The following SOBP variants were observed in gnomAD, a reference collection of about 807,000 sequenced individuals.
SOBP encodes sine oculis binding protein homolog, also known as sine oculis-binding protein homolog.
In SOBP, 4 loss-of-function variants were observed where a neutral mutation model predicts 53.6. The ratio of observed to expected loss-of-function variants is 0.07; its 90% confidence interval spans 0.04 to 0.17. The LOEUF (loss-of-function observed/expected upper bound fraction) is 0.17, where lower values mean the gene tolerates loss of function less well. Ranked by LOEUF, SOBP falls within the 10% of genes least tolerant of loss-of-function variation. The pLI is 1.00. For synonymous variants in SOBP, 584 were observed against 522.6 expected, an observed-to-expected ratio of 1.12 and a Z score of -1.60; for missense variants, 1,088 against 1,204.7, an observed-to-expected ratio of 0.90 and a Z score of 1.43.
rs200699908 is a variant in SOBP at position 107,616,796 on chromosome 6, C to CG, written c.670-16716dup. On this transcript the variant is annotated intron_variant, in intron 5 of 6. Coordinates refer to ENST00000317357, the MANE Select transcript of SOBP (RefSeq NM_018013.4). The stretch of plus-strand genomic sequence containing the variant: ...CCGAAGCAGCGGACACTCACAGCGA[C>CG]GGTTGGCCCAGTCCTTTGATTTAGA... Among the ~76,000 whole-genome samples, 756 of 152,350 alleles carry CG rather than the reference C, an allele frequency of 5.0e-3. 6 individuals are homozygous for CG. The highest frequency in any genetic ancestry group is 0.018 in the African/African-American group (731 of 41,574).
At chr6:107,631,458 T>C (rs536107474) in intron 5 of SOBP, among the ~76,000 whole-genome samples, 6 of 152,354 alleles carry the variant, frequency 3.9e-5, no homozygotes, top group Non-Finnish European at 8.8e-5. Context: ...ATCAGGTTTA[T>C]AAAACAATAA....
Position 107,634,370 on chromosome 6 carries a change from T to C in SOBP, c.1526T>C (p.Phe509Ser). ...GPMPVPQMMNFGLPSLAPLVP... is the reference protein window; with the variant it reads ...GPMPVPQMMNSGLPSLAPLVP... ...ATGCCGGTGCCCCAGATGATGAATT[T>C]CGGGCTGCCGTCGCTTGCCCCGCTG... is the stretch of plus-strand genomic sequence containing the variant. The change falls in exon 6 of 7, where the codon TTC (phenylalanine) becomes TCC (serine). Residue 509 changes from phenylalanine (F) to serine (S), a missense_variant. Phe to Ser is a radical substitution (Grantham distance 155). This residue lies in a region of SOBP where 665 missense variants were observed against 629.7 expected (regional missense o/e 1.06). Transcript: ENST00000317357. The surrounding 1 kb of genome is among the most constrained non-coding windows in gnomAD (Gnocchi z 4.5). 6.3e-7 allele frequency: 1 copy of C among 1,594,306 alleles called. No homozygotes were observed. The highest frequency in any genetic ancestry group is 8.5e-7 in the Non-Finnish European group (1 of 1,176,998).
At chr6:107,614,081 T>C (rs1411570878) in intron 5 of SOBP, among the ~76,000 whole-genome samples, 1 of 152,190 alleles carries the variant, frequency 6.6e-6, no homozygotes, top group Non-Finnish European at 1.5e-5. Flanking sequence ...TGGCCCATGA[T>C]GGTCTGGATG....
At chr6:107,510,090 A>G (rs1281614985) in intron 3 of SOBP, among the ~76,000 whole-genome samples, 3 of 152,178 alleles carry the variant, frequency 2.0e-5, no homozygotes, top group Non-Finnish European at 4.4e-5. Context: ...CTTTTCTGTA[A>G]AGGGCCAGAT....
Position 107,598,864 on chromosome 6 carries a change from AT to A in SOBP, c.669+11693del, listed in dbSNP as rs1253472182. Among the ~76,000 whole-genome samples the A allele has an allele frequency of 1.1e-4, 16 of 152,336 alleles. 1 individual carries two copies. Among genetic ancestry groups the A allele is most frequent in the Admixed American group, 8.5e-4 (13 of 15,304 alleles). On this transcript the variant is annotated intron_variant, in intron 5 of 6. Coordinates refer to ENST00000317357, the MANE Select transcript of SOBP (RefSeq NM_018013.4). Reference sequence around the variant, plus strand: ...CTGGCAAAGATTTCATTTCAAGCCAATTTTCCTGTAAATTTAGATTTTGGAT... The same window carrying A: ...CTGGCAAAGATTTCATTTCAAGCCAATTTCCTGTAAATTTAGATTTTGGAT...
intron 3 of SOBP, among the ~76,000 whole-genome samples, chr6:107,527,212 A>AATTACAAAGAATTCCCATCT (rs532700986): frequency 6.3e-4 from 96 of 152,386 alleles, no homozygotes; most frequent in African/African-American, 2.2e-3. Context: ...TTAATGTAAT[A>AATTACAAAGAATTCCCATCT]ATTACAAAGA....
At chr6:107,536,454 A>G (rs530831869) in intron 4 of SOBP, among the ~76,000 whole-genome samples, 2 of 152,310 alleles carry the variant, frequency 1.3e-5, no homozygotes, top group Admixed American at 1.3e-4. Flanking sequence ...AACAAGGACA[A>G]AAATAACCCA....
In SOBP at chr6:107,635,924, C is replaced by A. The variant is rs1032916633; in HGVS notation, c.*3+455C>A. Among the ~76,000 whole-genome samples, 1 of 152,194 alleles carries A rather than the reference C, an allele frequency of 6.6e-6. No homozygotes were observed. The highest frequency in any genetic ancestry group is 1.5e-5 in the Non-Finnish European group (1 of 68,044). On this transcript the variant is annotated intron_variant, in intron 6 of 6. Transcript: ENST00000317357. The surrounding 1 kb of genome is among the most constrained non-coding windows in gnomAD (Gnocchi z 4.5). ...TGTCCAGTGAACCCATGAGCTGGGCCACCTACTAAATAGAGCTGGTTGCCT... is the reference window on the plus strand; with the variant it reads ...TGTCCAGTGAACCCATGAGCTGGGCAACCTACTAAATAGAGCTGGTTGCCT...
chr6:107,518,136 ATC>A (rs1783375179), intron 3 of SOBP, among the ~76,000 whole-genome samples: 1 of 152,244 alleles, frequency 6.6e-6, no homozygotes, highest in African/African-American at 2.4e-5. Flanking sequence ...TGTATAAAGA[ATC>A]TCTGTAAATA....
intron 3 of SOBP, among the ~76,000 whole-genome samples, chr6:107,530,417 G>A (rs9486642): frequency 0.013 from 1,919 of 152,154 alleles, 46 homozygotes; most frequent in African/African-American, 0.042. Context: ...CACTTTTCTA[G>A]GGGTGCAGTC....
intron 3 of SOBP, among the ~76,000 whole-genome samples, chr6:107,508,751 G>A (rs766112940): frequency 1.6e-4 from 24 of 152,068 alleles, no homozygotes; most frequent in Non-Finnish European, 2.8e-4. Context: ...TGATTGTTTT[G>A]TGATACGGAG....
At chr6:107,645,185 T>C (rs1771501323) in intron 6 of SOBP, among the ~76,000 whole-genome samples, 1 of 152,180 alleles carries the variant, frequency 6.6e-6, no homozygotes, top group South Asian at 2.1e-4. Context: ...GGCCTATGCA[T>C]AGCAATAATA....
intron 5 of SOBP, among the ~76,000 whole-genome samples, chr6:107,631,790 G>T (rs561750202): frequency 6.6e-6 from 1 of 152,216 alleles, no homozygotes; most frequent in East Asian, 1.9e-4. Flanking sequence ...AAAATTTTTT[G>T]CAAGAAGTAG....
chr6:107,490,583 C>A lies in SOBP; in HGVS notation c.-34C>A. Reference sequence around the variant, plus strand: ...CCACCACCGCCGGCGGCGGCAGCAGCCATTTCATCTCCACAGAAACCAGAC... The same window carrying A: ...CCACCACCGCCGGCGGCGGCAGCAGACATTTCATCTCCACAGAAACCAGAC... On this transcript the variant is annotated 5_prime_UTR_variant, in exon 1 of 7. Transcript: ENST00000317357. 6.5e-7 allele frequency: 1 copy of A among 1,532,818 alleles called. No individual in the cohort carries two copies. The allele number at this position is 1,532,818 out of a possible 1,614,324, so 95.0% of individuals were successfully genotyped here.
intron 3 of SOBP, chr6:107,514,467 T>C (rs1783259553): frequency 1.3e-5 from 2 of 152,190 alleles, no homozygotes; most frequent in African/African-American, 4.8e-5. Context: ...AAATGTTAGA[T>C]ACTATGATAT....
At chr6:107,583,195 A>G (rs546736627) in intron 4 of SOBP, among the ~76,000 whole-genome samples, 1 of 152,212 alleles carries the variant, frequency 6.6e-6, no homozygotes, top group Non-Finnish European at 1.5e-5. Flanking sequence ...GAATGATCCA[A>G]CTCATTCTTA....
At chr6:107,571,577 A>G (rs916923242) in intron 4 of SOBP, among the ~76,000 whole-genome samples, 9 of 152,164 alleles carry the variant, frequency 5.9e-5, no homozygotes, top group Admixed American at 5.2e-4. Flanking sequence ...GTAATTGGTT[A>G]TTTCAACACA....
At chr6:107,537,018 C>G (rs1005138271) in intron 4 of SOBP, among the ~76,000 whole-genome samples, 1 of 152,186 alleles carries the variant, frequency 6.6e-6, no homozygotes, top group African/African-American at 2.4e-5. Context: ...GAACTAATAG[C>G]TCACTCTTTT....
At chr6:107,651,924 A>G (rs887501541) in intron 6 of SOBP, among the ~76,000 whole-genome samples, 1 of 152,206 alleles carries the variant, frequency 6.6e-6, no homozygotes, top group Non-Finnish European at 1.5e-5. Context: ...GGTTTACTGA[A>G]TATTTTAAAC....
Sources: allele counts gnomAD v4.1 joint callset (sites outside exome capture counted in the v4.1 genomes callset), GRCh38; gene constraint gnomAD v4.1.1; regional missense constraint gnomAD v4.1.1; non-coding constraint Gnocchi (gnomAD v3.1); transcripts MANE v1.5; gene names NCBI Gene and HGNC (gene_info 2026-07-23, HGNC 2026-07-21).